Variants in SV2B observed in about 807,000 individuals in gnomAD.
SV2B encodes synaptic vesicle glycoprotein 2B, also known as solute carrier family 22 member B2.
Under a neutral mutation model 73.9 loss-of-function variants are expected in SV2B, and 41 were observed. That is an observed-to-expected ratio of 0.56 (90% CI 0.43 to 0.72). The LOEUF is 0.72. Among genes scored for constraint, SV2B ranks in the 30% least tolerant of loss-of-function variants. The pLI, the probability that SV2B is intolerant of heterozygous loss-of-function variation, is 0.00. For missense variants in SV2B, 764 were observed against 857.8 expected (o/e 0.89, Z 1.37); for synonymous variants, 314 against 314.2 (o/e 1.00, Z 0.01).
chr15:91,278,122 A>C (rs1033911773), intron 9 of SV2B, among the ~76,000 whole-genome samples: 1 of 152,204 alleles, frequency 6.6e-6, no homozygotes, highest in African/African-American at 2.4e-5. Flanking sequence ...GTATTTGAGG[A>C]AGTAAGATGG....
intron 1 of SV2B, among the ~76,000 whole-genome samples, chr15:91,149,877 G>A (rs1002750978): frequency 6.6e-6 from 1 of 152,160 alleles, no homozygotes; most frequent in Non-Finnish European, 1.5e-5. Context: ...ATTAATAATG[G>A]TATAATTATA....
rs534775615 is a variant in SV2B, at chr15:91,140,729, A to G, written c.-392+40366A>G. Reference sequence around the variant, plus strand: ...GTACTAGATACTTCTGTGGCTTAAAACACCACCTTCTACCAAAGGCATGCT... The same window carrying G: ...GTACTAGATACTTCTGTGGCTTAAAGCACCACCTTCTACCAAAGGCATGCT... On this transcript the variant is annotated intron_variant, in intron 1 of 12. Coordinates refer to ENST00000394232, the MANE Select transcript of SV2B (RefSeq NM_001323032.3). The surrounding 1 kb of genome is among the most constrained non-coding windows in gnomAD (Gnocchi z 4.4). 1.4e-4 allele frequency among the ~76,000 whole-genome samples: 22 copies of G among 152,136 alleles called. No individual in the cohort carries two copies. The highest frequency in any genetic ancestry group is 2.6e-4 in the Non-Finnish European group (18 of 68,020).
At chr15:91,174,387 CTGTT>C (rs138880195) in intron 1 of SV2B, among the ~76,000 whole-genome samples, 4,373 of 152,164 alleles carry the variant, frequency 0.029, 103 homozygotes, top group African/African-American at 0.067. Context: ...GTTATGTAAA[CTGTT>C]TGAGAGTGCT....
chr15:91,216,056 G>T (rs2046014274), intron 1 of SV2B, among the ~76,000 whole-genome samples: 1 of 152,096 alleles, frequency 6.6e-6, no homozygotes, highest in African/African-American at 2.4e-5. Context: ...AAAATAGATG[G>T]ATGATTCAGC....
chr15:91,162,006 G>C (rs1229227003), intron 1 of SV2B, among the ~76,000 whole-genome samples: 1 of 152,170 alleles, frequency 6.6e-6, no homozygotes, highest in Non-Finnish European at 1.5e-5. Context: ...CAAGTGAACA[G>C]TAAAATGCAA....
intron 1 of SV2B, among the ~76,000 whole-genome samples, chr15:91,175,198 A>G (rs1288197264): frequency 6.6e-6 from 1 of 152,140 alleles, no homozygotes; most frequent in East Asian, 1.9e-4. Flanking sequence ...TATCTCATTG[A>G]TGTGTCACAA....
chr15:91,175,608 C>A (rs982961888), intron 1 of SV2B, among the ~76,000 whole-genome samples: 2 of 151,930 alleles, frequency 1.3e-5, no homozygotes, highest in Non-Finnish European at 2.9e-5. Flanking sequence ...AAATCTTATA[C>A]CTAGAAACGT....
In SV2B at chr15:91,100,945, T is replaced by C. The variant is rs1282511720; in HGVS notation, c.-392+582T>C. ...AAGAAAATGACTTGTTTTGCAGGGA[T>C]GGGCTAGCAAATGCGTTTAGCCAGG... On this transcript the variant is annotated intron_variant, in intron 1 of 12. Coordinates refer to ENST00000394232, the MANE Select transcript of SV2B (RefSeq NM_001323032.3). This position sits in a 1 kb window ranked among gnomAD's most constrained non-coding sequence, Gnocchi z 6.4. Among the ~76,000 whole-genome samples the C allele has an allele frequency of 6.6e-6, 1 of 152,188 alleles. No individual in the cohort carries two copies. Among genetic ancestry groups the C allele is most frequent in the Non-Finnish European group, 1.5e-5 (1 of 68,026 alleles).
rs540181860 is a variant in SV2B, at chr15:91,222,185, C to A, written c.-391-3688C>A. 4.6e-5 allele frequency among the ~76,000 whole-genome samples: 7 copies of A among 152,282 alleles called. No homozygotes were observed. In the East Asian group the frequency reaches 1.2e-3, roughly 25 times the overall value. On this transcript the variant is annotated intron_variant, in intron 1 of 12. Coordinates refer to ENST00000394232, the MANE Select transcript of SV2B (RefSeq NM_001323032.3). Reference sequence around the variant, plus strand: ...CCTAGGATCCCTCCTTCCTTTGGAACCCCTTGGAGAACAAATATTTGTGGC... The same window carrying A: ...CCTAGGATCCCTCCTTCCTTTGGAAACCCTTGGAGAACAAATATTTGTGGC...
At chr15:91,217,861 A>G (rs543105403) in intron 1 of SV2B, among the ~76,000 whole-genome samples, 1 of 152,340 alleles carries the variant, frequency 6.6e-6, no homozygotes, top group African/African-American at 2.4e-5. Context: ...CAATGCCTTT[A>G]TGGCAGGGAT....
At position 91,281,004 on chromosome 15, in the gene SV2B, T is replaced by TACC. The variant is rs1483063816; in HGVS notation, c.1374-723_1374-721dup. On this transcript the variant is annotated intron_variant, in intron 9 of 12. Coordinates refer to ENST00000394232, the MANE Select transcript of SV2B (RefSeq NM_001323032.3). The surrounding 1 kb of genome is among the most constrained non-coding windows in gnomAD (Gnocchi z 4.7). The stretch of plus-strand genomic sequence containing the variant: ...TATTCCATATTAACACATATAGATC[T>TACC]ACCTCATTTACTACGATGGCTACAT... 6.6e-6 allele frequency among the ~76,000 whole-genome samples: 1 copy of TACC among 152,246 alleles called. No individual in the cohort carries two copies. Among genetic ancestry groups the TACC allele is most frequent in the Non-Finnish European group, 1.5e-5 (1 of 68,042 alleles).
At chr15:91,125,703 A>C (rs76865362) in intron 1 of SV2B, among the ~76,000 whole-genome samples, 2 of 147,408 alleles carry the variant, frequency 1.4e-5, no homozygotes, top group East Asian at 4.0e-4. Flanking sequence ...TGAGCCTGGA[A>C]GTTTGAGGCT....
Position 91,283,234 on chromosome 15 carries a change from G to A in SV2B, c.1508-787G>A, listed in dbSNP as rs2048738964. Among the ~76,000 whole-genome samples the A allele has an allele frequency of 6.6e-6, 1 of 152,220 alleles. No individual in the cohort carries two copies. Among genetic ancestry groups the A allele is most frequent in the African/African-American group, 2.4e-5 (1 of 41,460 alleles). Reference sequence around the variant, plus strand: ...CTTGCAAACTGGTTCCAATGCAAATGGCTTTTATTTTTTAAGAATGTTCAG... The same window carrying A: ...CTTGCAAACTGGTTCCAATGCAAATAGCTTTTATTTTTTAAGAATGTTCAG... On this transcript the variant is annotated intron_variant, in intron 10 of 12. Coordinates refer to ENST00000394232, the MANE Select transcript of SV2B (RefSeq NM_001323032.3). This position sits in a 1 kb window ranked among gnomAD's most constrained non-coding sequence, Gnocchi z 4.3.
At chr15:91,149,710 T>C (rs2043252491) in intron 1 of SV2B, among the ~76,000 whole-genome samples, 1 of 152,196 alleles carries the variant, frequency 6.6e-6, no homozygotes, top group Admixed American at 6.5e-5. Flanking sequence ...GTTGTCCTCA[T>C]GTGAGAAAGC....
In SV2B at chr15:91,294,934, G is replaced by A. The variant is rs762890277; in HGVS notation, c.*2382G>A. 4 of 152,612 alleles carry A rather than the reference G, an allele frequency of 2.6e-5. No individual in the cohort carries two copies. Among genetic ancestry groups the A allele is most frequent in the Non-Finnish European group, 4.4e-5 (3 of 68,058 alleles). 9.5% of individuals were successfully genotyped at this position (152,612 alleles called of 1,614,324 possible). On this transcript the variant is annotated 3_prime_UTR_variant, in exon 13 of 13. Transcript: ENST00000394232. This position sits in a 1 kb window ranked among gnomAD's most constrained non-coding sequence, Gnocchi z 4.1. ...CAGCCAAGCTCTGCAGACTTTTGCAGGATTGTCTAGCCTGAGTACCGGGCT... is the reference window on the plus strand; with the variant it reads ...CAGCCAAGCTCTGCAGACTTTTGCAAGATTGTCTAGCCTGAGTACCGGGCT...
chr15:91,171,692 T>C (rs1260760124), intron 1 of SV2B, among the ~76,000 whole-genome samples: 2 of 152,210 alleles, frequency 1.3e-5, no homozygotes, highest in Non-Finnish European at 2.9e-5. Flanking sequence ...TGTGGCTTTA[T>C]TGATCGGCAA....
intron 9 of SV2B, among the ~76,000 whole-genome samples, chr15:91,276,805 G>GTTGTTATTATTATTATTATTA (rs528279430): frequency 6.5e-4 from 60 of 92,118 alleles, no homozygotes; most frequent in African/African-American, 1.6e-3. Flanking sequence ...TATTGTTGTT[G>GTTGTTATTATTATTATTATTA]TTATTATTAT....
In SV2B at chr15:91,197,338, C is replaced by T. The variant is rs2141371881; in HGVS notation, c.-391-28535C>T. Among the ~76,000 whole-genome samples the T allele has an allele frequency of 6.6e-6, 1 of 152,164 alleles. No individual in the cohort carries two copies. The highest frequency in any genetic ancestry group is 2.4e-5 in the African/African-American group (1 of 41,516). On this transcript the variant is annotated intron_variant, in intron 1 of 12. Transcript: ENST00000394232. The surrounding 1 kb of genome is among the most constrained non-coding windows in gnomAD (Gnocchi z 4.9). The stretch of plus-strand genomic sequence containing the variant: ...CTGCTTCCTGGGTTCAAGCAATCCT[C>T]CTGCCTCAGCCTCCCGAGTAGCTGG...
In SV2B at chr15:91,253,568, C is replaced by T. The variant is rs143778915; in HGVS notation, c.784+1048C>T. Among the ~76,000 whole-genome samples, 255 of 152,312 alleles carry T rather than the reference C, an allele frequency of 1.7e-3. No homozygotes were observed. Among genetic ancestry groups the T allele is most frequent in the African/African-American group, 6.0e-3 (249 of 41,546 alleles). The stretch of plus-strand genomic sequence containing the variant: ...TGTTTTAACACAGTGAAAGCTTCTC[C>T]CTTATGTGAGGTCCGGCTGGCATTT... On this transcript the variant is annotated intron_variant, in intron 4 of 12. Transcript: ENST00000394232. This position sits in a 1 kb window ranked among gnomAD's most constrained non-coding sequence, Gnocchi z 5.0.
Sources: gnomAD v4.1 joint callset for allele counts (sites outside exome capture counted in the v4.1 genomes callset) on GRCh38, gnomAD v4.1.1 for gene constraint, Gnocchi (gnomAD v3.1) non-coding constraint, MANE v1.5 for transcripts, NCBI Gene and HGNC (gene_info 2026-07-23, HGNC 2026-07-21) for gene names.